Variants in PCDHA6 observed in about 807,000 individuals in gnomAD.
PCDHA6 encodes the protein protocadherin alpha-6.
PCDHA6 carries 55 observed loss-of-function variants against 60.3 expected under a neutral mutation model. The observed-to-expected ratio is 0.91, with a 90% CI of 0.73 to 1.14. PCDHA6 has a LOEUF of 1.14. Among genes scored for constraint, PCDHA6 ranks in the 50% most tolerant of loss-of-function variants. The probability of loss-of-function intolerance (pLI) is 0.00; values close to 1 mark genes in which losing one functional copy is unlikely to be tolerated. For synonymous variants in PCDHA6, 652 were observed against 557.9 expected (o/e 1.17, Z -2.38); for missense variants, 1,327 against 1,256.5 (o/e 1.06, Z -0.85).
rs199848124 is a variant in PCDHA6 at position 140,875,823 on chromosome 5, C to T, written c.2394+45338C>T. 3,681 of 1,614,172 alleles carry T rather than the reference C, an allele frequency of 2.3e-3. 15 individuals carry two copies. Among genetic ancestry groups the T allele is most frequent in the Middle Eastern group, 9.6e-3 (58 of 6,062 alleles). The stretch of plus-strand genomic sequence containing the variant: ...TCGTGGACAGGCCGCTGCAGGTTTT[C>T]CATGTGGACGTGGAGGTGAAGGACA... On this transcript the variant is annotated intron_variant, in intron 1 of 3. Transcript: ENST00000529310.
intron 1 of PCDHA6, among the ~76,000 whole-genome samples, chr5:140,896,910 T>C (rs1174063416): frequency 1.3e-5 from 2 of 152,208 alleles, no homozygotes; most frequent in Non-Finnish European, 2.9e-5. Context: ...AAGCATGCAA[T>C]GCACAATAAT....
chr5:140,945,689 T>G (rs529270613), intron 1 of PCDHA6, among the ~76,000 whole-genome samples: 30 of 152,170 alleles, frequency 2.0e-4, no homozygotes, highest in African/African-American at 7.0e-4. Context: ...ACAGTTACTG[T>G]CCACTGATTT....
chr5:140,859,927 A>G (rs1296278263), intron 1 of PCDHA6: 2 of 152,054 alleles, frequency 1.3e-5, no homozygotes, highest in African/African-American at 2.4e-5. Context: ...AGTAATATAA[A>G]AAACTTAGTA....
chr5:140,869,998 G>A (rs782322898), intron 1 of PCDHA6: 1 of 1,613,436 alleles, frequency 6.2e-7, no homozygotes. Context: ...TCAAAATAAT[G>A]GAGAAGTGAG....
chr5:140,869,126 G>T, intron 1 of PCDHA6: 2 of 1,611,852 alleles, frequency 1.2e-6, no homozygotes, highest in South Asian at 2.2e-5. Flanking sequence ...CAGAGAAGGG[G>T]ATTGGGCACC....
intron 1 of PCDHA6, chr5:140,861,770 C>CCAAT (rs386405128): frequency 6.2e-6 from 1 of 161,486 alleles, no homozygotes; most frequent in Non-Finnish European, 1.3e-5. Flanking sequence ...CCTGGAAATA[C>CCAAT]CAAGAGCAGG....
chr5:140,967,888 G>A, intron 1 of PCDHA6: 1 of 1,614,138 alleles, frequency 6.2e-7, no homozygotes, highest in South Asian at 1.1e-5. Context: ...ATAGCCCAGT[G>A]CCTGAGAATG....
intron 1 of PCDHA6, chr5:140,884,259 C>T (rs1554181391): frequency 1.9e-6 from 3 of 1,613,378 alleles, no homozygotes; most frequent in Admixed American, 1.7e-5. Flanking sequence ...GCCACGGCAA[C>T]GGTGCTGTTG....
chr5:140,978,601 G>A (rs1382051729), intron 1 of PCDHA6, among the ~76,000 whole-genome samples: 1 of 152,244 alleles, frequency 6.6e-6, no homozygotes, highest in African/African-American at 2.4e-5. Flanking sequence ...TGGGGCACTT[G>A]AGGGCAAAAG....
At chr5:140,968,716 T>C (rs1554230993) in intron 1 of PCDHA6, 2 of 1,614,058 alleles carry the variant, frequency 1.2e-6, no homozygotes, top group Admixed American at 1.7e-5. Flanking sequence ...AGATGGGAGA[T>C]GAGAGTGGTA....
At chr5:140,836,408 A>G (rs2150260018) in intron 1 of PCDHA6, 22 of 1,613,740 alleles carry the variant, frequency 1.4e-5, no homozygotes, top group Non-Finnish European at 1.9e-5. Context: ...GCGGCCAGGC[A>G]CCAAAGGCGT....
At chr5:140,862,288 G>A in intron 1 of PCDHA6, 1 of 264,980 alleles carries the variant, frequency 3.8e-6, no homozygotes, top group East Asian at 9.0e-5. Context: ...CTGTACAGGA[G>A]GACGCTCCAC....
At chr5:140,947,635 G>T (rs1170525936) in intron 1 of PCDHA6, among the ~76,000 whole-genome samples, 1 of 151,538 alleles carries the variant, frequency 6.6e-6, no homozygotes, top group Non-Finnish European at 1.5e-5. Flanking sequence ...TCATCAGATC[G>T]TATGAACATA....
Position 140,979,001 on chromosome 5 carries a change from T to C in PCDHA6, c.2447T>C (p.Met816Thr). ...WRYSASLRAG[M>T]HSSVHLEEAG... Reference sequence around the variant, plus strand: ...TACTCTGCCTCCCTGAGAGCAGGCATGCACAGGTATGTATTTCCCTCCTCA... The same window carrying C: ...TACTCTGCCTCCCTGAGAGCAGGCACGCACAGGTATGTATTTCCCTCCTCA... Residue 816 changes from methionine (M) to threonine (T), a missense_variant, in exon 2 of 4, where the codon ATG becomes ACG. By Grantham distance (81) the Met-to-Thr change is moderately conservative (BLOSUM62 -1). Transcript: ENST00000529310. 6.2e-7 allele frequency: 1 copy of C among 1,614,148 alleles called. No individual in the cohort carries two copies. Among genetic ancestry groups the C allele is most frequent in the Non-Finnish European group, 8.5e-7 (1 of 1,180,016 alleles).
chr5:140,923,527 C>T (rs2081405445), intron 1 of PCDHA6, among the ~76,000 whole-genome samples: 1 of 151,652 alleles, frequency 6.6e-6, no homozygotes, highest in South Asian at 2.1e-4. Context: ...AGATTCTGTC[C>T]CAAAAAAAGG....
At chr5:141,005,488 G>A (rs138290389) in intron 3 of PCDHA6, among the ~76,000 whole-genome samples, 2,990 of 151,856 alleles carry the variant, frequency 0.02, 115 homozygotes, top group African/African-American at 0.068. Flanking sequence ...CGGATCATGA[G>A]GTCAGGAGAT....
intron 1 of PCDHA6, among the ~76,000 whole-genome samples, chr5:140,975,386 G>A (rs2096665314): frequency 6.6e-6 from 1 of 152,252 alleles, no homozygotes; most frequent in Admixed American, 6.5e-5. Flanking sequence ...ATGGGAATAA[G>A]ATCCATCACA....
At chr5:140,941,618 C>A (rs532721732) in intron 1 of PCDHA6, among the ~76,000 whole-genome samples, 1 of 151,904 alleles carries the variant, frequency 6.6e-6, no homozygotes, top group African/African-American at 2.4e-5. Context: ...CCCAGCCCAT[C>A]CTGCTTCTTA....
chr5:140,830,044 G>T lies in PCDHA6; in HGVS notation c.1953G>T (p.Val651=). ...DSPRHRLLVL[V]KDHGEPALTA... ...CGCGCCACCGGCTGCTGGTGCTGGT[G>T]AAAGACCACGGTGAGCCGGCGCTGA... is the stretch of plus-strand genomic sequence containing the variant. Residue 651 remains valine, a synonymous_variant, in exon 1 of 4, where the codon GTG becomes GTT. Coordinates refer to ENST00000529310, the MANE Select transcript of PCDHA6 (RefSeq NM_018909.4). 6.2e-7 allele frequency: 1 copy of T among 1,613,812 alleles called. No individual in the cohort carries two copies. Among genetic ancestry groups the T allele is most frequent in the Non-Finnish European group, 8.5e-7 (1 of 1,179,904 alleles).
Sources: allele counts gnomAD v4.1 joint callset (sites outside exome capture counted in the v4.1 genomes callset), GRCh38; gene constraint gnomAD v4.1.1; transcripts MANE v1.5; gene names NCBI Gene and HGNC (gene_info 2026-07-23, HGNC 2026-07-21).